FAM168A: variants seen among roughly 807,000 people sequenced by gnomAD.
FAM168A encodes the protein protein FAM168A.
In FAM168A, 3 loss-of-function variants were observed where a neutral mutation model predicts 28.5. The observed-to-expected ratio is 0.11, with a 90% CI of 0.05 to 0.27. The LOEUF is 0.27. FAM168A is among the 10% of genes least tolerant of loss of function. FAM168A has a pLI of 1.00. For synonymous variants in FAM168A, 122 were observed against 124.2 expected (o/e 0.98, Z 0.12); for missense variants, 222 against 311.5 (o/e 0.71, Z 2.16).
At chr11:73,488,167 A>G (rs1254512615) in intron 1 of FAM168A, among the ~76,000 whole-genome samples, 2 of 149,446 alleles carry the variant, frequency 1.3e-5, no homozygotes, top group Non-Finnish European at 3.0e-5. Flanking sequence ...GTCTCACTCT[A>G]TTGCCCAGGC....
At chr11:73,542,567 C>T (rs1166626252) in intron 1 of FAM168A, among the ~76,000 whole-genome samples, 1 of 152,216 alleles carries the variant, frequency 6.6e-6, no homozygotes, top group Non-Finnish European at 1.5e-5. Context: ...TGCTTCTATC[C>T]TTGCCATCTG....
At chr11:73,584,900 C>G (rs1164306003) in intron 1 of FAM168A, among the ~76,000 whole-genome samples, 1 of 151,740 alleles carries the variant, frequency 6.6e-6, no homozygotes, top group Non-Finnish European at 1.5e-5. Context: ...TCTGGGAAAC[C>G]AAGGCAGCAG....
intron 7 of FAM168A, 126 bp downstream of exon 7, chr11:73,407,387 G>A (rs913927037): frequency 3.8e-5 from 21 of 554,036 alleles, no homozygotes; most frequent in African/African-American, 3.6e-4. Context: ...GAGCAGGAAA[G>A]CAACTGGTAA....
chr11:73,545,888 A>C (rs567832861), intron 1 of FAM168A, among the ~76,000 whole-genome samples: 2 of 151,758 alleles, frequency 1.3e-5, no homozygotes, highest in East Asian at 3.9e-4. Context: ...CAACAAAAAA[A>C]CCCTGTGAGA....
intron 3 of FAM168A, among the ~76,000 whole-genome samples, chr11:73,423,581 T>C (rs1426518448): frequency 1.3e-5 from 2 of 152,208 alleles, no homozygotes; most frequent in East Asian, 1.9e-4. Context: ...CTGCTACCTC[T>C]TCTGGCATGT....
chr11:73,484,176 C>T (rs1406824436), intron 1 of FAM168A, among the ~76,000 whole-genome samples: 1 of 152,034 alleles, frequency 6.6e-6, no homozygotes, highest in Non-Finnish European at 1.5e-5. Flanking sequence ...CGTTATATAC[C>T]ATAACTGTTA....
At chr11:73,460,227 C>T (rs767903115) in intron 2 of FAM168A, among the ~76,000 whole-genome samples, 1 of 152,090 alleles carries the variant, frequency 6.6e-6, no homozygotes, top group African/African-American at 2.4e-5. Context: ...AAATCTCTCC[C>T]GCACTGGCTA....
intron 2 of FAM168A, among the ~76,000 whole-genome samples, chr11:73,452,626 A>G (rs1867452019): frequency 6.6e-6 from 1 of 152,016 alleles, no homozygotes; most frequent in Non-Finnish European, 1.5e-5. Flanking sequence ...GTCCTATACC[A>G]TGTCTAGGGC....
At chr11:73,511,689 G>A (rs1285302645) in intron 1 of FAM168A, among the ~76,000 whole-genome samples, 2 of 152,192 alleles carry the variant, frequency 1.3e-5, no homozygotes, top group Non-Finnish European at 2.9e-5. Flanking sequence ...CCTCGTCAGA[G>A]TCAGGTTCAA....
chr11:73,548,834 C>T (rs1943791686), intron 1 of FAM168A, among the ~76,000 whole-genome samples: 1 of 152,022 alleles, frequency 6.6e-6, no homozygotes, highest in South Asian at 2.1e-4. Flanking sequence ...TGGGGTCTCC[C>T]TATGTTGCCC....
chr11:73,443,753 T>C (rs1867247908), intron 2 of FAM168A, among the ~76,000 whole-genome samples: 1 of 152,194 alleles, frequency 6.6e-6, no homozygotes, highest in South Asian at 2.1e-4. Context: ...CACTTCAATT[T>C]TCAAAGCCTG....
At chr11:73,507,944 G>A (rs949373032) in intron 1 of FAM168A, among the ~76,000 whole-genome samples, 1 of 152,024 alleles carries the variant, frequency 6.6e-6, no homozygotes, top group African/African-American at 2.4e-5. Flanking sequence ...TATACCGAGG[G>A]ACAACTGTAC....
At chr11:73,523,609 G>A (rs1590831937) in intron 1 of FAM168A, among the ~76,000 whole-genome samples, 1 of 151,880 alleles carries the variant, frequency 6.6e-6, no homozygotes, top group African/African-American at 2.4e-5. Flanking sequence ...ACCATGCCTG[G>A]TTAATTTTTC....
intron 2 of FAM168A, among the ~76,000 whole-genome samples, chr11:73,432,415 C>T (rs1455717033): frequency 6.6e-6 from 1 of 152,054 alleles, no homozygotes; most frequent in Non-Finnish European, 1.5e-5. Context: ...GTTCAAATTT[C>T]TCTACATCCT....
At chr11:73,468,338 A>G (rs2134576094) in intron 2 of FAM168A, 67 bp downstream of exon 2, 1 of 1,465,922 alleles carries the variant, frequency 6.8e-7, no homozygotes, top group East Asian at 2.3e-5. Context: ...TAGGAGGAGG[A>G]GCAAGTTATT....
chr11:73,411,409 C>A lies in FAM168A; in HGVS notation c.405G>T (p.Gln135His). 6.2e-7 allele frequency: 1 copy of A among 1,605,310 alleles called. No individual in the cohort carries two copies. Among genetic ancestry groups the A allele is most frequent in the South Asian group, 1.1e-5 (1 of 89,604 alleles). The change falls in exon 5 of 8, where the codon CAG (glutamine) becomes CAT (histidine). Residue 135 changes from glutamine to histidine, a missense_variant. Transcript: ENST00000356467. ...ATGTACCTACCTGGGCATACAGATT[C>A]TGCTGGGGGTAGGCACTTCTGATTG... Reference protein sequence around the residue: ...MYPIRSAYPQQNLYAQGAYYT... With the variant: ...MYPIRSAYPQHNLYAQGAYYT...
chr11:73,449,387 T>C (rs1249797977), intron 2 of FAM168A, among the ~76,000 whole-genome samples: 1 of 151,734 alleles, frequency 6.6e-6, no homozygotes, highest in South Asian at 2.1e-4. Flanking sequence ...ACTACTAAGC[T>C]ACATGAAAAA....
intron 2 of FAM168A, among the ~76,000 whole-genome samples, chr11:73,454,389 T>C (rs1025459261): frequency 6.6e-6 from 1 of 152,224 alleles, no homozygotes; most frequent in Non-Finnish European, 1.5e-5. Context: ...ACTTGTCAAG[T>C]GTCTCCTAGT....
intron 1 of FAM168A, among the ~76,000 whole-genome samples, chr11:73,484,579 G>C (rs758323747): frequency 1.6e-5 from 1 of 62,294 alleles, no homozygotes; most frequent in Non-Finnish European, 3.6e-5. Flanking sequence ...TCTATATATC[G>C]ATATCTATCT....
Sources: gnomAD v4.1 joint callset for allele counts (sites outside exome capture counted in the v4.1 genomes callset) on GRCh38, gnomAD v4.1.1 for gene constraint, MANE v1.5 for transcripts, NCBI Gene and HGNC (gene_info 2026-07-23, HGNC 2026-07-21) for gene names.